The following KCTD8 variants were observed in gnomAD, a reference collection of about 807,000 sequenced individuals.
KCTD8 encodes BTB/POZ domain-containing protein KCTD8.
KCTD8 carries 27 observed loss-of-function variants against 31.5 expected under a neutral mutation model. That is an observed-to-expected ratio of 0.86 (90% CI 0.63 to 1.18). KCTD8 has a LOEUF of 1.18. Ranked by LOEUF, KCTD8 falls within the 50% of genes most tolerant of loss-of-function variation. The pLI is 0.00. For synonymous variants in KCTD8, 290 were observed against 280.0 expected (o/e 1.04, Z -0.36); for missense variants, 658 against 647.7 (o/e 1.02, Z -0.17).
chr4:44,201,048 C>A (rs1714131847), intron 1 of KCTD8, among the ~76,000 whole-genome samples: 2 of 151,832 alleles, frequency 1.3e-5, no homozygotes, highest in Non-Finnish European at 2.9e-5. Context: ...AGAACATAAT[C>A]CCATTTACAA....
chr4:44,304,908 T>C (rs1044652301), intron 1 of KCTD8, among the ~76,000 whole-genome samples: 1 of 151,816 alleles, frequency 6.6e-6, no homozygotes, highest in Non-Finnish European at 1.5e-5. Flanking sequence ...GGAGGATCAC[T>C]TGAGCCCAGG....
intron 1 of KCTD8, among the ~76,000 whole-genome samples, chr4:44,393,581 C>A (rs1479210554): frequency 6.7e-6 from 1 of 149,632 alleles, no homozygotes; most frequent in African/African-American, 2.4e-5. Context: ...GTATTAAATT[C>A]TATTATTAAA....
chr4:44,367,597 T>C (rs1719673930), intron 1 of KCTD8, among the ~76,000 whole-genome samples: 1 of 152,172 alleles, frequency 6.6e-6, no homozygotes, highest in South Asian at 2.1e-4. Flanking sequence ...GGCCCCAACA[T>C]ACTTGAAATT....
intron 1 of KCTD8, among the ~76,000 whole-genome samples, chr4:44,326,037 C>T (rs1718435322): frequency 6.6e-6 from 1 of 151,944 alleles, no homozygotes; most frequent in African/African-American, 2.4e-5. Context: ...ATGTCCAGAT[C>T]AGAAAAGTAC....
intron 1 of KCTD8, among the ~76,000 whole-genome samples, chr4:44,233,090 T>C (rs1308099317): frequency 6.6e-6 from 1 of 152,076 alleles, no homozygotes; most frequent in Non-Finnish European, 1.5e-5. Flanking sequence ...TTGGTTTTTT[T>C]CTTTTTAAAT....
chr4:44,297,507 G>A (rs921102728), intron 1 of KCTD8, among the ~76,000 whole-genome samples: 2 of 150,842 alleles, frequency 1.3e-5, no homozygotes, highest in Admixed American at 1.3e-4. Flanking sequence ...TATAGTATAT[G>A]TGCATCTTTT....
intron 1 of KCTD8, among the ~76,000 whole-genome samples, chr4:44,437,270 T>C (rs1473954614): frequency 6.6e-6 from 1 of 152,104 alleles, no homozygotes; most frequent in Non-Finnish European, 1.5e-5. Context: ...ATCTTATGTA[T>C]CTATTAGGCA....
At chr4:44,263,783 C>T (rs903229394) in intron 1 of KCTD8, among the ~76,000 whole-genome samples, 3 of 152,158 alleles carry the variant, frequency 2.0e-5, no homozygotes, top group Non-Finnish European at 4.4e-5. Flanking sequence ...AACATTTATT[C>T]ATCAACATGC....
intron 1 of KCTD8, among the ~76,000 whole-genome samples, chr4:44,270,086 G>T (rs1199242295): frequency 6.6e-6 from 1 of 152,048 alleles, no homozygotes; most frequent in East Asian, 1.9e-4. Flanking sequence ...AAAGACACAT[G>T]CACACATATG....
intron 1 of KCTD8, among the ~76,000 whole-genome samples, chr4:44,336,640 A>T (rs1718753468): frequency 6.6e-6 from 1 of 152,138 alleles, no homozygotes; most frequent in South Asian, 2.1e-4. Context: ...AACAAAAAAT[A>T]AGAAAATCTC....
chr4:44,182,398 T>G (rs1193625187), intron 1 of KCTD8, among the ~76,000 whole-genome samples: 2 of 152,258 alleles, frequency 1.3e-5, no homozygotes, highest in South Asian at 2.1e-4. Context: ...GCTGTGTCTG[T>G]GTAGAAAGAA....
intron 1 of KCTD8, among the ~76,000 whole-genome samples, chr4:44,226,571 G>A (rs1377704848): frequency 6.6e-6 from 1 of 152,130 alleles, no homozygotes; most frequent in Non-Finnish European, 1.5e-5. Flanking sequence ...TGGGATTGCT[G>A]GGTCAAATGG....
chr4:44,201,402 A>G (rs1310068141), intron 1 of KCTD8, among the ~76,000 whole-genome samples: 1 of 152,178 alleles, frequency 6.6e-6, no homozygotes, highest in Non-Finnish European at 1.5e-5. Flanking sequence ...ACCCATTTTC[A>G]AAGTATACCA....
At chr4:44,292,572 A>G (rs1289348899) in intron 1 of KCTD8, among the ~76,000 whole-genome samples, 1 of 152,166 alleles carries the variant, frequency 6.6e-6, no homozygotes, top group African/African-American at 2.4e-5. Flanking sequence ...TCTCAGCATC[A>G]CACTATGTAC....
intron 1 of KCTD8, among the ~76,000 whole-genome samples, chr4:44,231,969 G>A (rs185236850): frequency 6.6e-6 from 1 of 152,218 alleles, no homozygotes; most frequent in East Asian, 1.9e-4. Context: ...GTATAATGGA[G>A]TAAACAGCTT....
chr4:44,279,490 G>A (rs1283136303), intron 1 of KCTD8, among the ~76,000 whole-genome samples: 1 of 152,054 alleles, frequency 6.6e-6, no homozygotes, highest in African/African-American at 2.4e-5. Flanking sequence ...AGAGAAAGAT[G>A]TGCTCTTAAG....
intron 1 of KCTD8, among the ~76,000 whole-genome samples, chr4:44,338,592 C>G (rs992311241): frequency 6.6e-6 from 1 of 152,092 alleles, no homozygotes; most frequent in Non-Finnish European, 1.5e-5. Flanking sequence ...AAAACAGATA[C>G]GTATGGATGT....
At chr4:44,311,243 C>G (rs1717942207) in intron 1 of KCTD8, among the ~76,000 whole-genome samples, 1 of 152,026 alleles carries the variant, frequency 6.6e-6, no homozygotes, top group Non-Finnish European at 1.5e-5. Context: ...ACAAAATAGA[C>G]AATATCTGCA....
At chr4:44,405,931 A>G (rs953405288) in intron 1 of KCTD8, among the ~76,000 whole-genome samples, 1 of 152,108 alleles carries the variant, frequency 6.6e-6, no homozygotes, top group East Asian at 1.9e-4. Context: ...CAAGAGGAGA[A>G]GAAAAGGGTA....
Sources: allele counts gnomAD v4.1 joint callset (sites outside exome capture counted in the v4.1 genomes callset), GRCh38; gene constraint gnomAD v4.1.1; transcripts MANE v1.5; gene names NCBI Gene and HGNC (gene_info 2026-07-23, HGNC 2026-07-21).